WIPF2: variants seen among roughly 807,000 people sequenced by gnomAD.
WIPF2 encodes WAS/WASL interacting protein family member 2.
In WIPF2, 23 loss-of-function variants were observed where a neutral mutation model predicts 38.8. The observed-to-expected ratio is 0.59, with a 90% CI of 0.43 to 0.84. The LOEUF (loss-of-function observed/expected upper bound fraction) is 0.84, where lower values mean the gene tolerates loss of function less well. Ranked by LOEUF, WIPF2 falls within the 40% of genes least tolerant of loss-of-function variation. The pLI is 0.00. For missense variants in WIPF2, 574 were observed against 580.5 expected, an observed-to-expected ratio of 0.99 and a Z score of 0.11; for synonymous variants, 210 against 223.2, an observed-to-expected ratio of 0.94 and a Z score of 0.53.
chr17:40,241,826 C>T (rs936815534), intron 1 of WIPF2, among the ~76,000 whole-genome samples: 2 of 152,012 alleles, frequency 1.3e-5, no homozygotes, highest in Admixed American at 6.6e-5. Context: ...ATTCCTACGC[C>T]TAGAAAAGAA....
At chr17:40,277,240 C>T in intron 7 of WIPF2, 56 bp downstream of exon 7, 2 of 1,473,018 alleles carry the variant, frequency 1.4e-6, no homozygotes, top group Admixed American at 3.8e-5. Context: ...AGAATCTGTG[C>T]ATTTTCTTAG....
At chr17:40,239,691 CTTTTTTTTTTT>C (rs748169841) in intron 1 of WIPF2, among the ~76,000 whole-genome samples, 31 of 107,162 alleles carry the variant, frequency 2.9e-4, no homozygotes, top group South Asian at 6.2e-4. Context: ...TTCAGCTTTT[CTTTTTTTTTTT>C]TTTTTTTTTT....
intron 1 of WIPF2, among the ~76,000 whole-genome samples, chr17:40,237,269 C>T (rs573466462): frequency 1.5e-5 from 2 of 131,160 alleles, no homozygotes; most frequent in East Asian, 4.7e-4. Flanking sequence ...GAGACAGAGT[C>T]TCACTTTGTC....
chr17:40,254,975 C>T (rs2031673038), intron 1 of WIPF2, among the ~76,000 whole-genome samples: 1 of 152,054 alleles, frequency 6.6e-6, no homozygotes, highest in South Asian at 2.1e-4. Context: ...GGTGATTCAC[C>T]TGCCTTCCTC....
intron 1 of WIPF2, chr17:40,220,046 T>G (rs893571911): frequency 3.3e-5 from 5 of 152,122 alleles, no homozygotes; most frequent in African/African-American, 1.2e-4. Context: ...GAATCAGAAT[T>G]TAGTTAAAGG....
chr17:40,274,676 T>C (rs1208328309), intron 6 of WIPF2, among the ~76,000 whole-genome samples: 1 of 149,408 alleles, frequency 6.7e-6, no homozygotes, highest in Non-Finnish European at 1.5e-5. Context: ...GCGTGGTGGC[T>C]CATGCCTGTA....
chr17:40,252,986 G>A (rs941178343), intron 1 of WIPF2, among the ~76,000 whole-genome samples: 2 of 151,056 alleles, frequency 1.3e-5, no homozygotes, highest in African/African-American at 4.9e-5. Flanking sequence ...GGCTGGTCTC[G>A]AACTCCTGGC....
At chr17:40,229,413 A>G (rs1037397054) in intron 1 of WIPF2, among the ~76,000 whole-genome samples, 1 of 148,312 alleles carries the variant, frequency 6.7e-6, no homozygotes, top group Non-Finnish European at 1.5e-5. Flanking sequence ...GGCCAAAGAC[A>G]TTTATTCATT....
intron 1 of WIPF2, among the ~76,000 whole-genome samples, chr17:40,254,656 G>C (rs1481734124): frequency 6.6e-6 from 1 of 152,156 alleles, no homozygotes; most frequent in Non-Finnish European, 1.5e-5. Flanking sequence ...GACTATACCA[G>C]ATGTTGGTAA....
chr17:40,238,119 C>T (rs941979282), intron 1 of WIPF2, among the ~76,000 whole-genome samples: 1 of 151,050 alleles, frequency 6.6e-6, no homozygotes, highest in African/African-American at 2.4e-5. Context: ...GGCCTCCCAA[C>T]GTGCTGGGAT....
chr17:40,258,212 A>G (rs776189068), intron 2 of WIPF2, among the ~76,000 whole-genome samples: 3 of 152,134 alleles, frequency 2.0e-5, no homozygotes, highest in Non-Finnish European at 4.4e-5. Context: ...AGCCTGGCCA[A>G]CATGGTGAAA....
intron 1 of WIPF2, among the ~76,000 whole-genome samples, chr17:40,239,366 C>T (rs566348075): frequency 6.6e-6 from 1 of 152,084 alleles, no homozygotes; most frequent in African/African-American, 2.4e-5. Context: ...CCACTGCGCC[C>T]AGCCTTGGCT....
chr17:40,231,001 C>G (rs574144890), intron 1 of WIPF2, among the ~76,000 whole-genome samples: 1 of 152,154 alleles, frequency 6.6e-6, no homozygotes, highest in African/African-American at 2.4e-5. Flanking sequence ...AATCACAGTA[C>G]TTAAAACCCA....
chr17:40,273,797 AC>A lies in WIPF2; in HGVS notation c.983del (p.Pro328HisfsTer4). The A allele has an allele frequency of 1.2e-6, 2 of 1,600,412 alleles. No homozygotes were observed. The highest frequency in any genetic ancestry group is 8.5e-7 in the Non-Finnish European group (1 of 1,171,014). ...TTTGGATTTTAATTGCAGCTCCTCC[AC>A]CCCCACCACCTGTGATCCGAAATGG... The part of the protein sequence containing the change: ...DPPSRGAAPP[P>X]PPPVIRNGAR... On this transcript the variant is annotated frameshift_variant, in exon 6 of 8. Transcript: ENST00000323571. LOFTEE classifies it high-confidence loss of function.
chr17:40,258,453 A>AGGCG (rs2031797559), intron 2 of WIPF2, among the ~76,000 whole-genome samples: 1 of 152,102 alleles, frequency 6.6e-6, no homozygotes, highest in Non-Finnish European at 1.5e-5. Context: ...TTAGCTGTGC[A>AGGCG]TGGTGGCGCT....
At position 40,273,878 on chromosome 17, in the gene WIPF2, C is replaced by A. The variant is rs746844865; in HGVS notation, c.1059C>A (p.Pro353=). The change falls in exon 6 of 8, where the codon CCC becomes CCA. Residue 353 remains proline, a synonymous_variant. Coordinates refer to ENST00000323571, the MANE Select transcript of WIPF2 (RefSeq NM_133264.5). The part of the protein sequence containing the change: ...PPPYRMHGSE[P]PSRGKPPPPP... ...CATACCGAATGCATGGGTCAGAACC[C>A]CCGAGCCGAGGAAAGCCCCCACCTC... 2.5e-6 allele frequency: 4 copies of A among 1,574,262 alleles called. No homozygotes were observed. The South Asian group carries it at 4.5e-5, about 18-fold the overall frequency.
rs778312295 is a variant in WIPF2 at position 40,268,974 on chromosome 17, G to A, written c.970+3828G>A. 2.0e-5 allele frequency among the ~76,000 whole-genome samples: 3 copies of A among 151,966 alleles called. No homozygotes were observed. The East Asian group carries it at 5.8e-4, about 29-fold the overall frequency. On this transcript the variant is annotated intron_variant, in intron 5 of 7. Coordinates refer to ENST00000323571, the MANE Select transcript of WIPF2 (RefSeq NM_133264.5). The stretch of plus-strand genomic sequence containing the variant: ...CTGAGGCAGGAGGATCGCTTGAGAC[G>A]GAGTTCAAGACCAGCCTGGGCAACA...
intron 1 of WIPF2, among the ~76,000 whole-genome samples, chr17:40,255,660 G>C (rs1458618183): frequency 8.1e-6 from 1 of 122,816 alleles, no homozygotes; most frequent in African/African-American, 3.2e-5. Flanking sequence ...ACGGAATCTC[G>C]CTCTGTCATC....
intron 1 of WIPF2, among the ~76,000 whole-genome samples, chr17:40,232,731 CTGGTTCAA>C (rs1290605018): frequency 2.0e-5 from 3 of 149,808 alleles, no homozygotes; most frequent in Non-Finnish European, 4.5e-5. Context: ...CCTCTGCCTC[CTGGTTCAA>C]GCGATTCTCC....
Sources: gnomAD v4.1 joint callset for allele counts (sites outside exome capture counted in the v4.1 genomes callset) on GRCh38, gnomAD v4.1.1 for gene constraint, MANE v1.5 for transcripts, NCBI Gene and HGNC (gene_info 2026-07-23, HGNC 2026-07-21) for gene names.